The following MAN1C1 variants were observed in gnomAD, a reference collection of about 807,000 sequenced individuals.
The protein encoded by MAN1C1 is mannosidase alpha class 1C member 1.
Under a neutral mutation model 71.5 loss-of-function variants are expected in MAN1C1, and 49 were observed. The ratio of observed to expected loss-of-function variants is 0.69; its 90% CI spans 0.54 to 0.87. The LOEUF is 0.87. MAN1C1 is among the 40% of genes least tolerant of loss of function. The pLI is 0.00. For missense variants in MAN1C1, 743 were observed against 835.0 expected, an observed-to-expected ratio of 0.89 and a Z score of 1.36; for synonymous variants, 352 against 343.7, an observed-to-expected ratio of 1.02 and a Z score of -0.27.
At chr1:25,760,008 T>G (rs988460221) in intron 6 of MAN1C1, 2 of 152,310 alleles carry the variant, frequency 1.3e-5, no homozygotes, top group Non-Finnish European at 2.9e-5. Flanking sequence ...TCTTATTTTC[T>G]GATCCTTTCC....
At chr1:25,760,856 G>C (rs145900686) in intron 6 of MAN1C1, 1 of 152,330 alleles carries the variant, frequency 6.6e-6, no homozygotes, top group Non-Finnish European at 1.5e-5. Flanking sequence ...AGGCACTATA[G>C]ATAAAGCCCT....
intron 2 of MAN1C1, among the ~76,000 whole-genome samples, chr1:25,722,368 C>T (rs1198280021): frequency 6.6e-6 from 1 of 152,130 alleles, no homozygotes; most frequent in Non-Finnish European, 1.5e-5. Flanking sequence ...TTTCCTTCCA[C>T]CGATTTTTCT....
chr1:25,764,077 G>A lies in MAN1C1; in HGVS notation c.1141+110G>A. 1 of 891,560 alleles carries A rather than the reference G, an allele frequency of 1.1e-6. No individual in the cohort carries two copies. Among genetic ancestry groups the A allele is most frequent in the Non-Finnish European group, 1.8e-6 (1 of 556,030 alleles). The allele number at this position is 891,560 out of a possible 1,614,324, so 55.2% of individuals were successfully genotyped here. Reference sequence around the variant, plus strand: ...GTGAGGATGTGTCTGTCAGAGCCATGCAGCCAGCAAGGCATTCGCTCGGTG... The same window carrying A: ...GTGAGGATGTGTCTGTCAGAGCCATACAGCCAGCAAGGCATTCGCTCGGTG... On this transcript the variant is annotated intron_variant, in intron 7 of 11. Transcript: ENST00000374332. This position sits in a 1 kb window ranked among gnomAD's most constrained non-coding sequence, Gnocchi z 4.4.
chr1:25,779,185 C>T lies in MAN1C1; in HGVS notation c.1477+861C>T, dbSNP rs1022976833. ...CAGTAAAAATCCCAGGCTCAAGCAG[C>T]GCTTGACAAAATGACTGTTTTCTGA... On this transcript the variant is annotated intron_variant, in intron 9 of 11. Coordinates refer to ENST00000374332, the MANE Select transcript of MAN1C1 (RefSeq NM_020379.4). This position sits in a 1 kb window ranked among gnomAD's most constrained non-coding sequence, Gnocchi z 4.6. Among the ~76,000 whole-genome samples, 3 of 152,192 alleles carry T rather than the reference C, an allele frequency of 2.0e-5. No homozygotes were observed. Among genetic ancestry groups the T allele is most frequent in the Admixed American group, 1.3e-4 (2 of 15,284 alleles).
intron 1 of MAN1C1, among the ~76,000 whole-genome samples, chr1:25,672,510 C>A (rs2124135958): frequency 6.6e-6 from 1 of 152,314 alleles, no homozygotes; most frequent in East Asian, 1.9e-4. Context: ...CTCATGGCCA[C>A]CTTCCTCCAT....
intron 1 of MAN1C1, among the ~76,000 whole-genome samples, chr1:25,624,703 A>G (rs890504961): frequency 3.3e-5 from 5 of 152,218 alleles, no homozygotes; most frequent in Non-Finnish European, 5.9e-5. Flanking sequence ...AATTGTCACT[A>G]AATAGCAACC....
rs529693851 is a variant in MAN1C1 at position 25,782,935 on chromosome 1, G to A, written c.1766+235G>A. ...CCCTAGGGACGCACCGTGTGATACC[G>A]CAGGTTCCTTCAGTTTCTCGCTTAT... On this transcript the variant is annotated intron_variant, in intron 11 of 11. Coordinates refer to ENST00000374332, the MANE Select transcript of MAN1C1 (RefSeq NM_020379.4). This position sits in a 1 kb window ranked among gnomAD's most constrained non-coding sequence, Gnocchi z 4.4. Among the ~76,000 whole-genome samples, 12 of 152,288 alleles carry A rather than the reference G, an allele frequency of 7.9e-5. No homozygotes were observed. Among genetic ancestry groups the A allele is most frequent in the East Asian group, 1.9e-4 (1 of 5,186 alleles).
At chr1:25,629,771 T>C (rs2045352899) in intron 1 of MAN1C1, among the ~76,000 whole-genome samples, 2 of 152,176 alleles carry the variant, frequency 1.3e-5, no homozygotes, top group African/African-American at 4.8e-5. Flanking sequence ...GAGTTTCTTG[T>C]GGTTTTTAGA....
chr1:25,754,152 C>G (rs975892635), intron 5 of MAN1C1, among the ~76,000 whole-genome samples: 2 of 152,156 alleles, frequency 1.3e-5, no homozygotes, highest in Non-Finnish European at 2.9e-5. Context: ...AGCCACATCC[C>G]CGGGCACCCT....
At chr1:25,729,856 G>A (rs1486271158) in intron 2 of MAN1C1, among the ~76,000 whole-genome samples, 1 of 152,086 alleles carries the variant, frequency 6.6e-6, no homozygotes, top group Non-Finnish European at 1.5e-5. Context: ...TGAGGAGTGT[G>A]TGTGAGGTCA....
intron 1 of MAN1C1, among the ~76,000 whole-genome samples, chr1:25,668,237 C>T (rs2045949711): frequency 6.6e-6 from 1 of 152,006 alleles, no homozygotes; most frequent in African/African-American, 2.4e-5. Context: ...GGAGGCCTTC[C>T]TTGGCCACCC....
At chr1:25,644,082 G>A (rs1049905847) in intron 1 of MAN1C1, among the ~76,000 whole-genome samples, 5 of 152,152 alleles carry the variant, frequency 3.3e-5, no homozygotes, top group Non-Finnish European at 7.3e-5. Context: ...GGATGGAAAG[G>A]TCTTACGGGT....
chr1:25,718,558 A>G (rs1460959682), intron 2 of MAN1C1, among the ~76,000 whole-genome samples: 1 of 152,206 alleles, frequency 6.6e-6, no homozygotes, highest in Non-Finnish European at 1.5e-5. Context: ...CCATCACCTA[A>G]AAAGAAACTT....
intron 2 of MAN1C1, among the ~76,000 whole-genome samples, chr1:25,734,190 G>A (rs888927875): frequency 6.6e-6 from 1 of 152,066 alleles, no homozygotes; most frequent in Non-Finnish European, 1.5e-5. Flanking sequence ...GTGCAGTAGC[G>A]CAATCACGGC....
chr1:25,750,819 G>A (rs1361972508), intron 4 of MAN1C1, among the ~76,000 whole-genome samples: 1 of 152,168 alleles, frequency 6.6e-6, no homozygotes, highest in African/African-American at 2.4e-5. Context: ...CAGGGCATAT[G>A]CCCAGCCTTC....
chr1:25,650,287 G>A (rs1007748410), intron 1 of MAN1C1, among the ~76,000 whole-genome samples: 6 of 127,784 alleles, frequency 4.7e-5, no homozygotes, highest in African/African-American at 2.3e-4. Flanking sequence ...GGGATTAATC[G>A]AGGCATCTGG....
At chr1:25,695,289 T>C (rs1232694455) in intron 2 of MAN1C1, among the ~76,000 whole-genome samples, 1 of 152,142 alleles carries the variant, frequency 6.6e-6, no homozygotes, top group East Asian at 1.9e-4. Flanking sequence ...CAAGCAAACC[T>C]TCCTGGTAGT....
chr1:25,671,770 C>A (rs1038981775), intron 1 of MAN1C1, among the ~76,000 whole-genome samples: 2 of 152,208 alleles, frequency 1.3e-5, no homozygotes, highest in African/African-American at 4.8e-5. Context: ...CAAATTCGTT[C>A]TCTTACAGTT....
intron 1 of MAN1C1, among the ~76,000 whole-genome samples, chr1:25,656,218 C>T (rs373397671): frequency 5.4e-4 from 81 of 150,520 alleles, no homozygotes; most frequent in African/African-American, 1.8e-3. Context: ...CTGCCTCAGC[C>T]TCCCAAGTAG....
Sources: gnomAD v4.1 joint callset for allele counts (sites outside exome capture counted in the v4.1 genomes callset) on GRCh38, gnomAD v4.1.1 for gene constraint, Gnocchi (gnomAD v3.1) non-coding constraint, MANE v1.5 for transcripts, NCBI Gene and HGNC (gene_info 2026-07-23, HGNC 2026-07-21) for gene names.